The following ALKBH3 variants were observed in gnomAD, a reference collection of about 807,000 sequenced individuals.
The protein encoded by ALKBH3 is alpha-ketoglutarate-dependent dioxygenase alkB homolog 3.
Under a neutral mutation model 43.9 loss-of-function variants are expected in ALKBH3, and 51 were observed. The observed-to-expected ratio is 1.16, with a 90% CI of 0.93 to 1.47. ALKBH3 has a LOEUF of 1.47. Among genes scored for constraint, ALKBH3 ranks in the 40% most tolerant of loss-of-function variants. The pLI is 0.00. For missense variants in ALKBH3, 361 were observed against 351.9 expected, an observed-to-expected ratio of 1.03 and a Z score of -0.21; for synonymous variants, 102 against 115.2, an observed-to-expected ratio of 0.89 and a Z score of 0.73.
intron 8 of ALKBH3, among the ~76,000 whole-genome samples, chr11:43,915,413 G>A (rs1951975755): frequency 6.6e-6 from 1 of 152,084 alleles, no homozygotes; most frequent in Non-Finnish European, 1.5e-5. Context: ...TAAATCAAGT[G>A]CCTTAAAGTT....
At chr11:43,899,192 G>A in intron 7 of ALKBH3, 1 of 769,752 alleles carries the variant, frequency 1.3e-6, no homozygotes, top group Non-Finnish European at 2.4e-6. Flanking sequence ...TGGGAACAAT[G>A]TGCAGCTCAT....
chr11:43,909,444 C>G (rs1430574798), intron 8 of ALKBH3: 1 of 152,172 alleles, frequency 6.6e-6, no homozygotes, highest in African/African-American at 2.4e-5. Flanking sequence ...CCAACTGTAG[C>G]TCCAAGCTTA....
intron 7 of ALKBH3, chr11:43,898,077 G>T (rs1019087988): frequency 7.8e-6 from 8 of 1,021,840 alleles, no homozygotes; most frequent in African/African-American, 3.1e-5. Context: ...TCAAGGAGGG[G>T]CTGAGTGGCG....
At chr11:43,889,964 T>A in intron 6 of ALKBH3, 136 bp downstream of exon 6, 1 of 725,608 alleles carries the variant, frequency 1.4e-6, no homozygotes, top group South Asian at 1.9e-5. Flanking sequence ...AAAGTAGAAT[T>A]AGCCAAAAAG....
chr11:43,886,034 C>A (rs1475869999), intron 4 of ALKBH3, among the ~76,000 whole-genome samples: 3 of 152,094 alleles, frequency 2.0e-5, no homozygotes, highest in South Asian at 2.1e-4. Context: ...GAGTTAGAAA[C>A]GTAGTGGTGT....
intron 8 of ALKBH3, among the ~76,000 whole-genome samples, chr11:43,910,786 C>CT (rs34714473): frequency 0.15 from 22,824 of 151,600 alleles, 2,250 homozygotes; most frequent in African/African-American, 0.25. Flanking sequence ...ACTAAAATGA[C>CT]TTTTTTTTTC....
chr11:43,884,044 T>C (rs757242284), intron 4 of ALKBH3, 27 bp downstream of exon 4: 109 of 1,613,400 alleles, frequency 6.8e-5, no homozygotes, highest in Non-Finnish European at 8.6e-5. Context: ...CTTCCTGTAA[T>C]TGTTGCCCAC....
At chr11:43,897,440 C>A in intron 7 of ALKBH3, 1 of 735,596 alleles carries the variant, frequency 1.4e-6, no homozygotes, top group South Asian at 1.4e-5. Flanking sequence ...GAAAGGATTG[C>A]TGTTGTATTA....
intron 7 of ALKBH3, among the ~76,000 whole-genome samples, chr11:43,901,188 A>T (rs929207163): frequency 3.9e-5 from 6 of 152,324 alleles, no homozygotes; most frequent in African/African-American, 1.2e-4. Flanking sequence ...ACTGCCCTGA[A>T]GATACTGATG....
rs532894100 is a variant in ALKBH3, at chr11:43,899,342, G to A, written c.460-2174G>A. 97 of 696,860 alleles carry A rather than the reference G, an allele frequency of 1.4e-4. No homozygotes were observed. The Middle Eastern group carries it at 2.1e-3, about 15-fold the overall frequency. 43.2% of individuals were successfully genotyped at this position (696,860 alleles called of 1,614,324 possible). A position where few individuals can be genotyped will look rare whatever the true frequency, so the allele number is the denominator to read the frequency against. On this transcript the variant is annotated intron_variant, in intron 7 of 9. Coordinates refer to ENST00000302708, the MANE Select transcript of ALKBH3 (RefSeq NM_139178.4). ...GCAGTGGAAATTCCACAGCATGCCC[G>A]TGTGCACCATCAGCAGCCTGCCCCA... is the stretch of plus-strand genomic sequence containing the variant.
chr11:43,913,578 C>T (rs1951958625), intron 8 of ALKBH3, among the ~76,000 whole-genome samples: 1 of 152,226 alleles, frequency 6.6e-6, no homozygotes, highest in Non-Finnish European at 1.5e-5. Context: ...TATTTCCCCA[C>T]AGTTTCTACC....
chr11:43,914,467 G>A (rs761678412), intron 8 of ALKBH3, among the ~76,000 whole-genome samples: 91 of 151,854 alleles, frequency 6.0e-4, no homozygotes, highest in South Asian at 1.4e-3. Context: ...CCTGGAAACT[G>A]TTATAAAAAG....
intron 8 of ALKBH3, among the ~76,000 whole-genome samples, chr11:43,911,956 A>G (rs944271054): frequency 1.3e-5 from 2 of 152,134 alleles, no homozygotes; most frequent in African/African-American, 4.8e-5. Flanking sequence ...CCCCGTCTCT[A>G]CTAAAAATAC....
intron 7 of ALKBH3, among the ~76,000 whole-genome samples, chr11:43,895,288 G>C (rs1364555238): frequency 5.9e-5 from 9 of 152,204 alleles, no homozygotes; most frequent in African/African-American, 2.4e-5. Context: ...GCAGGGCCAG[G>C]TGGAGATAAT....
In ALKBH3 at chr11:43,882,656, G is replaced by A. The variant is rs1951719801; in HGVS notation, c.4G>A (p.Glu2Lys). Reference sequence around the variant, plus strand: ...AGCAGAAGCCTTTTTGGTCAACATGGAGGAAAAAAGACGGCGAGCCCGAGT... The same window carrying A: ...AGCAGAAGCCTTTTTGGTCAACATGAAGGAAAAAAGACGGCGAGCCCGAGT... M[E>K]EKRRRARVQG... The change falls in exon 2 of 10, where the codon GAG (glutamate) becomes AAG (lysine). Residue 2 changes from glutamate to lysine, a missense_variant. Glu to Lys is a moderately conservative substitution (Grantham distance 56). Transcript: ENST00000302708. 6.2e-7 allele frequency: 1 copy of A among 1,612,922 alleles called. No homozygotes were observed.
At chr11:43,910,891 T>C (rs1316396729) in intron 8 of ALKBH3, among the ~76,000 whole-genome samples, 1 of 152,216 alleles carries the variant, frequency 6.6e-6, no homozygotes, top group Non-Finnish European at 1.5e-5. Flanking sequence ...TTCCTGCCTC[T>C]CTCTCACTGT....
intron 6 of ALKBH3, among the ~76,000 whole-genome samples, chr11:43,891,692 G>A (rs1235081659): frequency 6.6e-6 from 1 of 152,056 alleles, no homozygotes; most frequent in Non-Finnish European, 1.5e-5. Context: ...GCAGACAGGG[G>A]TTCAGTCTCC....
rs553180477 is a variant in ALKBH3 at position 43,901,432 on chromosome 11, C to G, written c.460-84C>G. 2,501 of 1,522,816 alleles carry G rather than the reference C, an allele frequency of 1.6e-3. 6 individuals carry two copies. Among genetic ancestry groups the G allele is most frequent in the Middle Eastern group, 3.1e-3 (13 of 4,252 alleles). The allele number at this position is 1,522,816 out of a possible 1,614,324, so 94.3% of individuals were successfully genotyped here. On this transcript the variant is annotated intron_variant, in intron 7 of 9. Coordinates refer to ENST00000302708, the MANE Select transcript of ALKBH3 (RefSeq NM_139178.4). ...CCTGGTTATAACTTGGCTGATTTTG[C>G]CCTTTCTTTTCTGTTTTTCCATGCG...
chr11:43,899,515 A>G, intron 7 of ALKBH3: 4 of 693,084 alleles, frequency 5.8e-6, no homozygotes, highest in Non-Finnish European at 1.1e-5. Flanking sequence ...TGAGTGCACC[A>G]CCACCTTCTC....
Sources: gnomAD v4.1 joint callset for allele counts (sites outside exome capture counted in the v4.1 genomes callset) on GRCh38, gnomAD v4.1.1 for gene constraint, MANE v1.5 for transcripts, NCBI Gene and HGNC (gene_info 2026-07-23, HGNC 2026-07-21) for gene names.